Variants in NAALADL2 observed in about 807,000 individuals in gnomAD.
NAALADL2 encodes the protein N-acetylated alpha-linked acidic dipeptidase like 2, also known as inactive N-acetylated-alpha-linked acidic dipeptidase-like protein 2.
NAALADL2 carries 76 observed loss-of-function variants against 87.2 expected under a neutral mutation model. The observed-to-expected ratio is 0.87, with a 90% CI of 0.72 to 1.05. The LOEUF is 1.05. Among genes scored for constraint, NAALADL2 ranks in the 50% least tolerant of loss-of-function variants. The probability of loss-of-function intolerance (pLI) is 0.00; values close to 1 mark genes in which losing one functional copy is unlikely to be tolerated. For synonymous variants in NAALADL2, 354 were observed against 331.0 expected, an observed-to-expected ratio of 1.07 and a Z score of -0.75; for missense variants, 1,089 against 945.8, an observed-to-expected ratio of 1.15 and a Z score of -1.99.
chr3:175,795,076 C>T (rs932223597), intron 13 of NAALADL2, among the ~76,000 whole-genome samples: 5 of 152,112 alleles, frequency 3.3e-5, no homozygotes, highest in African/African-American at 1.2e-4. Flanking sequence ...ACCCTCATGA[C>T]CGTATCCAAA....
At chr3:174,798,976 C>T (rs1718473187) in intron 3 of NAALADL2, among the ~76,000 whole-genome samples, 1 of 151,988 alleles carries the variant, frequency 6.6e-6, no homozygotes, top group Non-Finnish European at 1.5e-5. Flanking sequence ...TCAAGACCAG[C>T]CTGGTCAATA....
intron 3 of NAALADL2, among the ~76,000 whole-genome samples, chr3:174,804,333 CT>C (rs906118436): frequency 1.7e-4 from 26 of 152,110 alleles, no homozygotes; most frequent in African/African-American, 6.3e-4. Flanking sequence ...TGAGACTTTG[CT>C]GAAGTTGCTT....
intron 3 of NAALADL2, among the ~76,000 whole-genome samples, chr3:174,811,301 A>T (rs893329300): frequency 3.9e-5 from 6 of 152,166 alleles, no homozygotes; most frequent in African/African-American, 1.4e-4. Context: ...GCACCTGGAA[A>T]AGCCACAGGT....
intron 3 of NAALADL2, among the ~76,000 whole-genome samples, chr3:174,851,500 T>C (rs551505474): frequency 6.6e-6 from 1 of 151,802 alleles, no homozygotes; most frequent in East Asian, 1.9e-4. Flanking sequence ...TATATGCCAA[T>C]AAATTGGAAA....
intron 2 of NAALADL2, among the ~76,000 whole-genome samples, chr3:175,197,448 A>T (rs1043602352): frequency 6.6e-6 from 1 of 151,900 alleles, no homozygotes; most frequent in African/African-American, 2.4e-5. Context: ...AGTTTTTCAG[A>T]TTGTCACAAA....
At chr3:175,426,192 G>T (rs879306759) in intron 5 of NAALADL2, among the ~76,000 whole-genome samples, 5 of 152,048 alleles carry the variant, frequency 3.3e-5, no homozygotes, top group Non-Finnish European at 5.9e-5. Context: ...ATTGAAACCT[G>T]TCTCTACTAA....
chr3:174,897,406 T>TAAA (rs796494534), intron 1 of NAALADL2, among the ~76,000 whole-genome samples: 6 of 139,946 alleles, frequency 4.3e-5, no homozygotes, highest in African/African-American at 1.5e-4. Flanking sequence ...GGCAAACTGG[T>TAAA]AAAAAAAAAA....
intron 2 of NAALADL2, among the ~76,000 whole-genome samples, chr3:174,725,043 A>G (rs1331328556): frequency 6.6e-6 from 1 of 152,180 alleles, no homozygotes. Context: ...ACTGCCTTTC[A>G]GTATTTGAAG....
At chr3:175,721,026 G>T (rs1222702920) in intron 11 of NAALADL2, among the ~76,000 whole-genome samples, 2 of 151,936 alleles carry the variant, frequency 1.3e-5, no homozygotes, top group East Asian at 1.9e-4. Flanking sequence ...ACTAATTTTT[G>T]ACTATAAAGA....
At chr3:175,161,425 A>G (rs1034069161) in intron 2 of NAALADL2, among the ~76,000 whole-genome samples, 3 of 152,180 alleles carry the variant, frequency 2.0e-5, no homozygotes, top group Non-Finnish European at 4.4e-5. Flanking sequence ...ACTACTGACT[A>G]TGCCAGGAAT....
intron 1 of NAALADL2, among the ~76,000 whole-genome samples, chr3:174,462,800 G>C (rs1276439625): frequency 6.6e-6 from 1 of 152,144 alleles, no homozygotes; most frequent in Non-Finnish European, 1.5e-5. Context: ...GAATTGGGAA[G>C]GGTCTTACAA....
chr3:174,985,278 G>A (rs931130901), intron 1 of NAALADL2, among the ~76,000 whole-genome samples: 36 of 152,146 alleles, frequency 2.4e-4, no homozygotes, highest in African/African-American at 7.7e-4. Flanking sequence ...GATATTTGGC[G>A]GAAATGATGT....
chr3:174,487,686 A>T (rs1717938311), intron 1 of NAALADL2, among the ~76,000 whole-genome samples: 1 of 149,388 alleles, frequency 6.7e-6, no homozygotes, highest in African/African-American at 2.5e-5. Flanking sequence ...GAAAGCATGG[A>T]GTAAGAGTGT....
intron 5 of NAALADL2, among the ~76,000 whole-genome samples, chr3:175,325,999 A>C (rs1394667214): frequency 6.6e-6 from 1 of 152,048 alleles, no homozygotes; most frequent in African/African-American, 2.4e-5. Context: ...TTTCTGTTCT[A>C]CTTCTCTTTT....
chr3:175,467,256 TCAAAGC>T, intron 8 of NAALADL2, 72 bp downstream of exon 8: 4 of 1,345,788 alleles, frequency 3.0e-6, no homozygotes, highest in Non-Finnish European at 4.1e-6. Flanking sequence ...AGTAAAATTT[TCAAAGC>T]CAAGGGCAAT....
At chr3:175,718,172 GAGGGGA>G (rs1450863130) in intron 11 of NAALADL2, 45 of 1,224,808 alleles carry the variant, frequency 3.7e-5, no homozygotes, top group South Asian at 7.4e-5. Flanking sequence ...AAATCGAATG[GAGGGGA>G]AGGGGAAGGG....
chr3:175,205,385 C>G (rs1740661340), intron 2 of NAALADL2, among the ~76,000 whole-genome samples: 2 of 152,132 alleles, frequency 1.3e-5, no homozygotes, highest in African/African-American at 4.8e-5. Flanking sequence ...GGATAACTGG[C>G]AAGCCACATG....
intron 3 of NAALADL2, among the ~76,000 whole-genome samples, chr3:174,829,125 T>C (rs1722330290): frequency 1.3e-5 from 2 of 151,936 alleles, no homozygotes; most frequent in South Asian, 4.2e-4. Context: ...GTTGTTGTTT[T>C]TAATTATACT....
At chr3:174,667,995 C>T (rs1238231559) in intron 2 of NAALADL2, among the ~76,000 whole-genome samples, 1 of 151,768 alleles carries the variant, frequency 6.6e-6, no homozygotes, top group Non-Finnish European at 1.5e-5. Flanking sequence ...AGCAATGCAC[C>T]AGGGTTTCAT....
Sources: allele counts gnomAD v4.1 joint callset (sites outside exome capture counted in the v4.1 genomes callset), GRCh38; gene constraint gnomAD v4.1.1; transcripts MANE v1.5; gene names NCBI Gene and HGNC (gene_info 2026-07-23, HGNC 2026-07-21).